Variants in TBC1D16 observed in about 807,000 individuals in gnomAD.
The protein encoded by TBC1D16 is TBC1 domain family member 16.
Under a neutral mutation model 74.7 loss-of-function variants are expected in TBC1D16, and 58 were observed. The observed-to-expected ratio is 0.78, with a 90% CI of 0.63 to 0.97. The LOEUF is 0.97. Among genes scored for constraint, TBC1D16 ranks in the 50% least tolerant of loss-of-function variants. TBC1D16 has a pLI of 0.00. For missense variants in TBC1D16, 1,014 were observed against 1,079.5 expected (o/e 0.94, Z 0.85); for synonymous variants, 493 against 474.7 (o/e 1.04, Z -0.50).
chr17:79,969,160 G>C (rs983944921), intron 3 of TBC1D16, among the ~76,000 whole-genome samples: 1 of 152,178 alleles, frequency 6.6e-6, no homozygotes, highest in Non-Finnish European at 1.5e-5. Context: ...GCCAAGGTGG[G>C]CAGGTCACCT....
chr17:79,968,841 T>TTA (rs2033951816), intron 3 of TBC1D16, among the ~76,000 whole-genome samples: 1 of 31,060 alleles, frequency 3.2e-5, no homozygotes, highest in East Asian at 1.1e-3. Context: ...AGATGCCGTC[T>TTA]CAAAAAAAAA....
chr17:79,953,031 T>G (rs993285125), intron 3 of TBC1D16: 19 of 451,402 alleles, frequency 4.2e-5, no homozygotes, highest in Non-Finnish European at 6.9e-5. Flanking sequence ...GAAAGCATTT[T>G]CATGATCAAA....
Position 79,994,311 on chromosome 17 carries a change from C to T in TBC1D16, c.779+15849G>A, listed in dbSNP as rs553214790. ...GGGGGGTGCCAGGGCTGTGAACCCC[C>T]GACAAGAGGCAATGAAACCCCCTCC... is the stretch of plus-strand genomic sequence containing the variant. On this transcript the variant is annotated intron_variant, in intron 3 of 11. Coordinates refer to ENST00000310924, the MANE Select transcript of TBC1D16 (RefSeq NM_019020.4). This position sits in a 1 kb window ranked among gnomAD's most constrained non-coding sequence, Gnocchi z 4.6. Among the ~76,000 whole-genome samples, 26 of 152,162 alleles carry T rather than the reference C, an allele frequency of 1.7e-4. No individual in the cohort carries two copies. The highest frequency in any genetic ancestry group is 6.3e-4 in the African/African-American group (26 of 41,486).
chr17:80,022,934 C>A (rs544332274), intron 1 of TBC1D16, among the ~76,000 whole-genome samples: 2 of 150,186 alleles, frequency 1.3e-5, no homozygotes, highest in South Asian at 2.1e-4. Context: ...CATGACTGGC[C>A]GGGGACATTT....
At chr17:80,024,089 G>C (rs1196066619) in intron 1 of TBC1D16, 2 of 105,178 alleles carry the variant, frequency 1.9e-5, no homozygotes, top group East Asian at 2.2e-4. Context: ...AGCGGCTTTT[G>C]GCTTTCCGCG....
intron 3 of TBC1D16, among the ~76,000 whole-genome samples, chr17:79,978,206 G>A (rs1343540680): frequency 1.3e-5 from 2 of 152,236 alleles, no homozygotes; most frequent in African/African-American, 4.8e-5. Flanking sequence ...GCCAAGCGGG[G>A]CGGGGATGAA....
At chr17:80,021,521 G>A (rs932915571) in intron 1 of TBC1D16, among the ~76,000 whole-genome samples, 8 of 149,624 alleles carry the variant, frequency 5.3e-5, no homozygotes, top group Non-Finnish European at 7.3e-5. Context: ...TTCTGCTGGC[G>A]TGGTGGAATT....
At position 79,948,876 on chromosome 17, in the gene TBC1D16, T is replaced by C; in HGVS notation, c.1537A>G (p.Met513Val). ...RGEDNPNVES[M>V]RRILLNYAVY... ...AGCTGGCTGGGGAGGGAGTACCTCA[T>C]GCTCTCCACATTGGGATTGTCTTCC... The change falls in exon 8 of 12, where the codon ATG becomes GTG. Residue 513 changes from methionine to valine, a missense_variant. By Grantham distance (21) the Met-to-Val change is conservative. Coordinates refer to ENST00000310924, the MANE Select transcript of TBC1D16 (RefSeq NM_019020.4). The C allele has an allele frequency of 6.2e-7, 1 of 1,614,120 alleles. No individual in the cohort carries two copies. Among genetic ancestry groups the C allele is most frequent in the Non-Finnish European group, 8.5e-7 (1 of 1,179,988 alleles).
chr17:79,995,873 G>A (rs2035256323), intron 3 of TBC1D16, among the ~76,000 whole-genome samples: 1 of 152,090 alleles, frequency 6.6e-6, no homozygotes, highest in South Asian at 2.1e-4. Context: ...TTCATAAAAG[G>A]CACAACTCAT....
At chr17:80,015,035 A>C (rs534918683) in intron 1 of TBC1D16, among the ~76,000 whole-genome samples, 2 of 152,316 alleles carry the variant, frequency 1.3e-5, no homozygotes, top group Non-Finnish European at 2.9e-5. Context: ...TGAAACCACC[A>C]AACCTCTAGA....
chr17:79,947,636 G>A lies in TBC1D16; in HGVS notation c.1728+9C>T, dbSNP rs752554171. 45 of 1,613,770 alleles carry A rather than the reference G, an allele frequency of 2.8e-5. No homozygotes were observed. Among genetic ancestry groups the A allele is most frequent in the African/African-American group, 6.7e-5 (5 of 74,922 alleles). Reference sequence around the variant, plus strand: ...TGCCCTTGGACGCACCCATCCCCCTGAGCCTCACCAGTTGTTTCTCCATGT... The same window carrying A: ...TGCCCTTGGACGCACCCATCCCCCTAAGCCTCACCAGTTGTTTCTCCATGT... On this transcript the variant is annotated intron_variant, in intron 9 of 11. Coordinates refer to ENST00000310924, the MANE Select transcript of TBC1D16 (RefSeq NM_019020.4).
rs555300023 is a variant in TBC1D16, at chr17:80,010,726, C to A, written c.213G>T (p.Glu71Asp). ...GYLCLYMEKD[E>D]MLGATLILAW... ...CCAGGATGAGGGTGGCTCCCAGCAT[C>A]TCATCCTTCTCCATGTACAAGCACA... Residue 71 changes from glutamate (E) to aspartate (D), a missense_variant, in exon 3 of 12, where the codon GAG (glutamate) becomes GAT (aspartate). Physicochemically the swap from Glu to Asp is conservative, Grantham distance 45. Coordinates refer to ENST00000310924, the MANE Select transcript of TBC1D16 (RefSeq NM_019020.4). The surrounding 1 kb of genome is among the most constrained non-coding windows in gnomAD (Gnocchi z 8.8). 5.3e-6 allele frequency: 8 copies of A among 1,503,978 alleles called. No homozygotes were observed. Among genetic ancestry groups the A allele is most frequent in the Non-Finnish European group, 7.1e-6 (8 of 1,129,012 alleles). The allele number at this position is 1,503,978 out of a possible 1,614,324, so 93.2% of individuals were successfully genotyped here. A position where few individuals can be genotyped will look rare whatever the true frequency, so the allele number is the denominator to read the frequency against.
In TBC1D16 at chr17:79,935,726, C is replaced by T. The variant is rs1018039453; in HGVS notation, c.*5133G>A. The T allele has an allele frequency of 1.3e-5, 2 of 152,276 alleles. No homozygotes were observed. Among genetic ancestry groups the T allele is most frequent in the Non-Finnish European group, 2.9e-5 (2 of 68,084 alleles). 9.4% of individuals were successfully genotyped at this position (152,276 alleles called of 1,614,324 possible). On this transcript the variant is annotated 3_prime_UTR_variant, in exon 12 of 12. Transcript: ENST00000310924. ...GAGCTCATGGTGACCAGTCCTGGGC[C>T]TGACCAATGGGTGATTACATTTAAA...
intron 1 of TBC1D16, among the ~76,000 whole-genome samples, chr17:80,014,454 C>A (rs1218892547): frequency 6.6e-6 from 1 of 151,996 alleles, no homozygotes; most frequent in African/African-American, 2.4e-5. Context: ...AGCAACATCT[C>A]AACAGAAAAA....
intron 3 of TBC1D16, among the ~76,000 whole-genome samples, chr17:80,004,549 C>G (rs759984054): frequency 6.6e-5 from 10 of 152,250 alleles, no homozygotes; most frequent in Non-Finnish European, 1.5e-4. Context: ...CCTGATCCAA[C>G]AGAGGGACCT....
At chr17:79,997,781 G>A (rs1477876145) in intron 3 of TBC1D16, among the ~76,000 whole-genome samples, 4 of 152,168 alleles carry the variant, frequency 2.6e-5, no homozygotes, top group Non-Finnish European at 5.9e-5. Flanking sequence ...CAGTCTATGG[G>A]GTTTCAGAGA....
intron 3 of TBC1D16, among the ~76,000 whole-genome samples, chr17:79,977,863 T>C (rs1200886824): frequency 6.6e-6 from 1 of 152,170 alleles, no homozygotes; most frequent in Non-Finnish European, 1.5e-5. Flanking sequence ...GGGAGGGCGA[T>C]TGATGCGGCT....
In TBC1D16 at chr17:79,944,969, T is replaced by G. The variant is rs2032386822; in HGVS notation, c.1847A>C (p.Lys616Thr). The change falls in exon 10 of 12, where the codon AAG (lysine) becomes ACG (threonine). Residue 616 changes from lysine to threonine, a missense_variant. By Grantham distance (78) the Lys-to-Thr change is moderately conservative. Transcript: ENST00000310924. The surrounding 1 kb of genome is among the most constrained non-coding windows in gnomAD (Gnocchi z 7.7). The stretch of plus-strand genomic sequence containing the variant: ...CGCTTCGGCCTCGGGGAACTCCCGC[T>G]TGAAGCACAGAAGGAGCCAGCGGTG... The part of the protein sequence containing the change: ...FCHRWLLLCF[K>T]REFPEAEALR... The G allele has an allele frequency of 6.4e-7, 1 of 1,560,684 alleles. No homozygotes were observed. The highest frequency in any genetic ancestry group is 1.9e-5 in the Admixed American group (1 of 51,570).
At position 79,994,406 on chromosome 17, in the gene TBC1D16, ATTTTG is replaced by A. The variant is rs558465251; in HGVS notation, c.779+15749_779+15753del. ...CATGAAGAAGGGCTGGCCAGAGAATATTTTGTTTTGTTTTGTTTTGTTTATTTTTT... is the reference window on the plus strand; with the variant it reads ...CATGAAGAAGGGCTGGCCAGAGAATATTTTGTTTTGTTTTGTTTATTTTTT... On this transcript the variant is annotated intron_variant, in intron 3 of 11. Transcript: ENST00000310924. The surrounding 1 kb of genome is among the most constrained non-coding windows in gnomAD (Gnocchi z 4.6). 1.6e-4 allele frequency among the ~76,000 whole-genome samples: 25 copies of A among 152,048 alleles called. No individual in the cohort carries two copies. Among genetic ancestry groups the A allele is most frequent in the African/African-American group, 5.3e-4 (22 of 41,482 alleles).
Sources: gnomAD v4.1 joint callset for allele counts (sites outside exome capture counted in the v4.1 genomes callset) on GRCh38, gnomAD v4.1.1 for gene constraint, Gnocchi (gnomAD v3.1) non-coding constraint, MANE v1.5 for transcripts, NCBI Gene and HGNC (gene_info 2026-07-23, HGNC 2026-07-21) for gene names.